The following SHANK1 variants were observed in gnomAD, a reference collection of about 807,000 sequenced individuals.
SHANK1 encodes SH3 and multiple ankyrin repeat domains protein 1.
SHANK1 carries 35 observed loss-of-function variants against 165.6 expected under a neutral mutation model. The ratio of observed to expected loss-of-function variants is 0.21; its 90% CI spans 0.16 to 0.28. The LOEUF (loss-of-function observed/expected upper bound fraction) is 0.28. SHANK1 is among the 10% of genes least tolerant of loss of function. The probability of loss-of-function intolerance (pLI) is 1.00; values close to 1 mark genes in which losing one functional copy is unlikely to be tolerated. For synonymous variants in SHANK1, 1,428 were observed against 1,384.8 expected (o/e 1.03, Z -0.69); for missense variants, 2,681 against 3,036.4 (o/e 0.88, Z 2.75).
rs750134749 is a variant in SHANK1, at chr19:50,666,838, C to T, written c.5122G>A (p.Ala1708Thr). Residue 1708 changes from alanine to threonine, a missense_variant, in exon 23 of 24, where the codon GCA becomes ACA. Physicochemically the swap from Ala to Thr is moderately conservative, Grantham distance 58 (BLOSUM62 0). This residue lies in a region of SHANK1 where 1,713 missense variants were observed against 1,630.2 expected (regional missense o/e 1.05). Coordinates refer to ENST00000293441, the MANE Select transcript of SHANK1 (RefSeq NM_016148.5). ...GCCCCAGCCCCGCCCCCACCCCCTG[C>T]GCTGCCACCACCTTCGGCAGATAGG... ...SSLSAEGGGS[A>T]GGGGGAGAGV... 11 of 1,553,202 alleles carry T rather than the reference C, an allele frequency of 7.1e-6. No individual in the cohort carries two copies. In the East Asian group the frequency reaches 1.2e-4, roughly 17 times the overall value.
At position 50,718,478 on chromosome 19, in the gene SHANK1, A is replaced by C. The variant is rs1224273393; in HGVS notation, c.-44+928T>G. Among the ~76,000 whole-genome samples, 1 of 151,550 alleles carries C rather than the reference A, an allele frequency of 6.6e-6. No individual in the cohort carries two copies. The highest frequency in any genetic ancestry group is 1.5e-5 in the Non-Finnish European group (1 of 67,824). On this transcript the variant is annotated intron_variant, in intron 1 of 23. Transcript: ENST00000293441. The surrounding 1 kb of genome is among the most constrained non-coding windows in gnomAD (Gnocchi z 5.1). ...GGCCCCCCGCGCGTACGGCTGCCCC[A>C]GCCCCCCCGGGCCGGCTCCGGCCCC...
rs2123080184 is a variant in SHANK1 at position 50,667,955 on chromosome 19, C to T, written c.4005G>A (p.Pro1335=). Residue 1335 remains proline (P), a synonymous_variant, in exon 23 of 24, where the codon CCG becomes CCA. Coordinates refer to ENST00000293441, the MANE Select transcript of SHANK1 (RefSeq NM_016148.5). This position sits in a 1 kb window ranked among gnomAD's most constrained non-coding sequence, Gnocchi z 5.7. Reference sequence around the variant, plus strand: ...CGGTCAGCGGGTGCACCAGGGGTCGCGGGGGCAGGAAGCTGGTGAAGGCGC... The same window carrying T: ...CGGTCAGCGGGTGCACCAGGGGTCGTGGGGGCAGGAAGCTGGTGAAGGCGC... ...GSSAFTSFLP[P]RPLVHPLTGK... is the part of the protein sequence containing the mutation. 3 of 1,398,820 alleles carry T rather than the reference C, an allele frequency of 2.1e-6. No individual in the cohort carries two copies. The highest frequency in any genetic ancestry group is 3.1e-5 in the East Asian group (1 of 32,600). 86.7% of individuals were successfully genotyped at this position (1,398,820 alleles called of 1,614,324 possible). A position where few individuals can be genotyped will look rare whatever the true frequency, so the allele number is the denominator to read the frequency against.
intron 23 of SHANK1, among the ~76,000 whole-genome samples, chr19:50,664,363 C>T (rs781475285): frequency 1.3e-5 from 2 of 152,182 alleles, no homozygotes; most frequent in Non-Finnish European, 2.9e-5. Flanking sequence ...AATTCTGCGA[C>T]GATGCAGCTG....
rs747033184 is a variant in SHANK1 at position 50,662,084 on chromosome 19, C to T, written c.6367G>A (p.Glu2123Lys). ...GCGGGCAGGTGGGAGCCATCGATCT[C>T]GTGGTCCAGGAACTGGGCTCGGTGC... is the stretch of plus-strand genomic sequence containing the variant. ...AEHRAQFLDH[E>K]IDGSHLPALT... The change falls in exon 24 of 24, where the codon GAG (glutamate) becomes AAG (lysine). Residue 2123 changes from glutamate to lysine, a missense_variant. By Grantham distance (56) the Glu-to-Lys change is moderately conservative. This residue lies in a region of SHANK1 where 49 missense variants were observed against 94.2 expected (regional missense o/e 0.52). Coordinates refer to ENST00000293441, the MANE Select transcript of SHANK1 (RefSeq NM_016148.5). The surrounding 1 kb of genome is among the most constrained non-coding windows in gnomAD (Gnocchi z 7.7). The T allele has an allele frequency of 3.7e-6, 6 of 1,614,194 alleles. No homozygotes were observed. The highest frequency in any genetic ancestry group is 1.7e-5 in the Admixed American group (1 of 60,018).
rs1985324280 is a variant in SHANK1 at position 50,662,872 on chromosome 19, TGAAGG to T, written c.5769-195_5769-191del. On this transcript the variant is annotated intron_variant, in intron 23 of 23. Coordinates refer to ENST00000293441, the MANE Select transcript of SHANK1 (RefSeq NM_016148.5). The surrounding 1 kb of genome is among the most constrained non-coding windows in gnomAD (Gnocchi z 7.7). ...GACGGCCGGCCGTCGAGGAAAGAAA[TGAAGG>T]GAGAGAAAGATGAGAGGACAGGGAG... 6.7e-6 allele frequency among the ~76,000 whole-genome samples: 1 copy of T among 148,528 alleles called. No individual in the cohort carries two copies. The highest frequency in any genetic ancestry group is 2.5e-5 in the African/African-American group (1 of 40,014).
Position 50,686,164 on chromosome 19 carries a change from A to T in SHANK1, c.2577+73T>A. ...CACAGAGGCGTCAGGAGGGTTTTGG[A>T]AAGAGAAAGGCTCCAGGTTGGTGTG... is the stretch of plus-strand genomic sequence containing the variant. On this transcript the variant is annotated intron_variant, in intron 21 of 23. Coordinates refer to ENST00000293441, the MANE Select transcript of SHANK1 (RefSeq NM_016148.5). This position sits in a 1 kb window ranked among gnomAD's most constrained non-coding sequence, Gnocchi z 5.7. The T allele has an allele frequency of 2.3e-6, 2 of 870,076 alleles. No homozygotes were observed. Among genetic ancestry groups the T allele is most frequent in the East Asian group, 2.7e-5 (1 of 37,548 alleles). The allele number at this position is 870,076 out of a possible 1,614,324, so 53.9% of individuals were successfully genotyped here. A position where few individuals can be genotyped will look rare whatever the true frequency, so the allele number is the denominator to read the frequency against.
In SHANK1 at chr19:50,667,332, G is replaced by A. The variant is rs759823345; in HGVS notation, c.4628C>T (p.Pro1543Leu). Residue 1543 changes from proline to leucine, a missense_variant, in exon 23 of 24, where the codon CCC becomes CTC. Coordinates refer to ENST00000293441, the MANE Select transcript of SHANK1 (RefSeq NM_016148.5). This position sits in a 1 kb window ranked among gnomAD's most constrained non-coding sequence, Gnocchi z 5.7. ...SPRASEENGL[P>L]LLVLPPPAPS... ...GGCGGGAGGCGGCAGGACCAGCAGG[G>A]GCAGCCCGTTCTCTTCGCTGGCCCT... The A allele has an allele frequency of 6.3e-7, 1 of 1,576,750 alleles. No homozygotes were observed. The highest frequency in any genetic ancestry group is 1.7e-5 in the Admixed American group (1 of 58,752).
chr19:50,686,329 C>T lies in SHANK1; in HGVS notation c.2485G>A (p.Ala829Thr), dbSNP rs1238289815. The T allele has an allele frequency of 6.2e-7, 1 of 1,603,562 alleles. No homozygotes were observed. Among genetic ancestry groups the T allele is most frequent in the South Asian group, 1.1e-5 (1 of 89,504 alleles). ...LNKLDEILAA[A>T]QQTISASESP... ...TCGCTTGCACTGATGGTCTGTTGAG[C>T]TGCGGCCAGGATTTCGTCCAGTTTG... is the stretch of plus-strand genomic sequence containing the variant. The change falls in exon 21 of 24, where the codon GCT (alanine) becomes ACT (threonine). Residue 829 changes from alanine to threonine, a missense_variant. Physicochemically the swap from Ala to Thr is moderately conservative, Grantham distance 58. Transcript: ENST00000293441. This position sits in a 1 kb window ranked among gnomAD's most constrained non-coding sequence, Gnocchi z 5.7.
intron 11 of SHANK1, 73 bp downstream of exon 11, chr19:50,703,426 TC>T: frequency 3.0e-6 from 4 of 1,338,540 alleles, no homozygotes; most frequent in Non-Finnish European, 4.1e-6. Flanking sequence ...TGGGCTGGCC[TC>T]GGGGGAAGCC....
At chr19:50,687,518 G>T in intron 19 of SHANK1, 64 bp downstream of exon 19, 2 of 1,301,604 alleles carry the variant, frequency 1.5e-6, no homozygotes, top group South Asian at 1.4e-5. Flanking sequence ...GAACTCAAGG[G>T]ATGGTCCAGC....
chr19:50,663,391 G>A (rs1284081516), intron 23 of SHANK1, among the ~76,000 whole-genome samples: 1 of 151,990 alleles, frequency 6.6e-6, no homozygotes, highest in African/African-American at 2.4e-5. Flanking sequence ...CCCACCTCAG[G>A]GCCTTTGAAC....
Position 50,697,493 on chromosome 19 carries a change from G to A in SHANK1, c.1937+96C>T. On this transcript the variant is annotated intron_variant, in intron 14 of 23. Transcript: ENST00000293441. The surrounding 1 kb of genome is among the most constrained non-coding windows in gnomAD (Gnocchi z 4.7). ...ATCAAACTTGAGAAGGAACAGATTAGAAAGGGGGCTTAGAGGTGATGGAAA... is the reference window on the plus strand; with the variant it reads ...ATCAAACTTGAGAAGGAACAGATTAAAAAGGGGGCTTAGAGGTGATGGAAA... The A allele has an allele frequency of 2.0e-6, 2 of 1,016,868 alleles. No homozygotes were observed. The highest frequency in any genetic ancestry group is 3.4e-5 in the Admixed American group (2 of 58,554). The allele number at this position is 1,016,868 out of a possible 1,614,324, so 63.0% of individuals were successfully genotyped here.
In SHANK1 at chr19:50,662,376, G is replaced by T. The variant is rs201925001; in HGVS notation, c.6075C>A (p.Ser2025=). 4 of 1,580,776 alleles carry T rather than the reference G, an allele frequency of 2.5e-6. No homozygotes were observed. Among genetic ancestry groups the T allele is most frequent in the Non-Finnish European group, 3.4e-6 (4 of 1,161,916 alleles). Residue 2025 remains serine (S), a synonymous_variant, in exon 24 of 24, where the codon TCC becomes TCA. Coordinates refer to ENST00000293441, the MANE Select transcript of SHANK1 (RefSeq NM_016148.5). The surrounding 1 kb of genome is among the most constrained non-coding windows in gnomAD (Gnocchi z 7.7). ...PRPSSLPILP[S]GPLYPGLFDI... is the part of the protein sequence containing the mutation. ...CAAAGAGGCCTGGGTAGAGGGGTCC[G>T]GAAGGCAGGATGGGCAGGGACGAGG...
chr19:50,665,909 G>A (rs1320527191), intron 23 of SHANK1, among the ~76,000 whole-genome samples: 1 of 120,440 alleles, frequency 8.3e-6, no homozygotes, highest in Non-Finnish European at 1.8e-5. Flanking sequence ...GGCATGGGAG[G>A]CTGAGGCAGG....
At position 50,688,681 on chromosome 19, in the gene SHANK1, G is replaced by A. The variant is rs562234012; in HGVS notation, c.2172+163C>T. ...TGAGATGCCTCAGAGGCCTTTAGAT[G>A]GAATCGCTGGGGAAAGCAGAGGCTG... On this transcript the variant is annotated intron_variant, in intron 17 of 23. Transcript: ENST00000293441. This position sits in a 1 kb window ranked among gnomAD's most constrained non-coding sequence, Gnocchi z 6.7. Among the ~76,000 whole-genome samples, 1 of 152,284 alleles carries A rather than the reference G, an allele frequency of 6.6e-6. No individual in the cohort carries two copies. The highest frequency in any genetic ancestry group is 6.5e-5 in the Admixed American group (1 of 15,292).
intron 23 of SHANK1, among the ~76,000 whole-genome samples, chr19:50,664,452 T>G (rs980537854): frequency 6.6e-6 from 1 of 152,204 alleles, no homozygotes; most frequent in African/African-American, 2.4e-5. Flanking sequence ...CGAGGCCCCC[T>G]CTTCCCCCAT....
At position 50,697,804 on chromosome 19, in the gene SHANK1, C is replaced by T. The variant is rs1986788872; in HGVS notation, c.1861+39G>A. On this transcript the variant is annotated intron_variant, in intron 13 of 23. Transcript: ENST00000293441. This position sits in a 1 kb window ranked among gnomAD's most constrained non-coding sequence, Gnocchi z 4.7. ...AAGGGAAAGGAGTGGACGTGGGAAT[C>T]CTAGGGTCCATTGAACACTGCTGGG... is the stretch of plus-strand genomic sequence containing the variant. 6.4e-7 allele frequency: 1 copy of T among 1,567,008 alleles called. No individual in the cohort carries two copies. Among genetic ancestry groups the T allele is most frequent in the Non-Finnish European group, 8.8e-7 (1 of 1,138,694 alleles).
chr19:50,698,838 T>C (rs991228154), intron 12 of SHANK1, among the ~76,000 whole-genome samples: 1 of 152,224 alleles, frequency 6.6e-6, no homozygotes, highest in African/African-American at 2.4e-5. Flanking sequence ...ACGGCTTCAG[T>C]GCATGACAAG....
rs1262222366 is a variant in SHANK1 at position 50,716,810 on chromosome 19, G to T, written c.110C>A (p.Pro37His). ...ACTGCCCTGGCCCCGGGTCCCCCGG[G>T]GGCCTCGACCTGGCCCGTCTGGGGA... ...DSSPDGPGRG[P>H]RGTRGQGSGA... The change falls in exon 2 of 24, where the codon CCC (proline) becomes CAC (histidine). Residue 37 changes from proline to histidine, a missense_variant. This residue lies in a region of SHANK1 where 118 missense variants were observed against 106.9 expected (regional missense o/e 1.10). Transcript: ENST00000293441. The surrounding 1 kb of genome is among the most constrained non-coding windows in gnomAD (Gnocchi z 8.4). 6.3e-7 allele frequency: 1 copy of T among 1,587,408 alleles called. No individual in the cohort carries two copies. Among genetic ancestry groups the T allele is most frequent in the East Asian group, 2.2e-5 (1 of 44,510 alleles).
Sources: allele counts gnomAD v4.1 joint callset (sites outside exome capture counted in the v4.1 genomes callset), GRCh38; gene constraint gnomAD v4.1.1; regional missense constraint gnomAD v4.1.1; non-coding constraint Gnocchi (gnomAD v3.1); transcripts MANE v1.5; gene names NCBI Gene and HGNC (gene_info 2026-07-23, HGNC 2026-07-21).